Variants in SHLD2 observed in about 807,000 individuals in gnomAD.
SHLD2 encodes the protein RINN1-REV7-interacting novel NHEJ regulator 2.
In SHLD2, 30 loss-of-function variants were observed where a neutral mutation model predicts 73.2. The observed-to-expected ratio is 0.41, with a 90% CI of 0.31 to 0.56. SHLD2 has a LOEUF of 0.56. Among genes scored for constraint, SHLD2 ranks in the 20% least tolerant of loss-of-function variants. The probability of loss-of-function intolerance (pLI) is 0.28; values close to 1 mark genes in which losing one functional copy is unlikely to be tolerated. For missense variants in SHLD2, 745 were observed against 1,055.9 expected, an observed-to-expected ratio of 0.71 and a Z score of 4.08; for synonymous variants, 285 against 370.1, an observed-to-expected ratio of 0.77 and a Z score of 2.64.
At chr10:87,172,852 G>A (rs1340203072) in intron 6 of SHLD2, among the ~76,000 whole-genome samples, 1 of 151,932 alleles carries the variant, frequency 6.6e-6, no homozygotes, top group African/African-American at 2.4e-5. Flanking sequence ...CTGGAAATAT[G>A]CATGTATAGC....
At chr10:87,163,776 A>G (rs1846988678) in intron 4 of SHLD2, among the ~76,000 whole-genome samples, 1 of 150,010 alleles carries the variant, frequency 6.7e-6, no homozygotes, top group Non-Finnish European at 1.5e-5. Context: ...GATTTTTAAT[A>G]TAGATAAATG....
chr10:87,119,636 T>TGTAGTCCCAACTACTCGG (rs539029058), intron 2 of SHLD2, among the ~76,000 whole-genome samples: 3 of 152,090 alleles, frequency 2.0e-5, no homozygotes, highest in East Asian at 1.9e-4. Context: ...GGCGCGCACC[T>TGTAGTCCCAACTACTCGG]GTAGTCCCAA....
chr10:87,147,837 C>A (rs1279065501), intron 2 of SHLD2, among the ~76,000 whole-genome samples: 2 of 151,944 alleles, frequency 1.3e-5, no homozygotes, highest in Non-Finnish European at 2.9e-5. Context: ...GAGTTGCTGT[C>A]CCTTCCTTTT....
intron 6 of SHLD2, among the ~76,000 whole-genome samples, chr10:87,172,133 T>A (rs1007767641): frequency 4.6e-5 from 7 of 152,248 alleles, no homozygotes; most frequent in South Asian, 2.1e-4. Flanking sequence ...TAAGATGTTG[T>A]TGTTCTTTGT....
intron 4 of SHLD2, among the ~76,000 whole-genome samples, chr10:87,159,124 CTG>C (rs1279639155): frequency 6.6e-6 from 1 of 151,934 alleles, no homozygotes; most frequent in African/African-American, 2.4e-5. Context: ...AAGAAGATAA[CTG>C]GAATAATAGG....
At chr10:87,120,064 G>T (rs1231526533) in intron 2 of SHLD2, among the ~76,000 whole-genome samples, 1 of 151,796 alleles carries the variant, frequency 6.6e-6, no homozygotes, top group East Asian at 1.9e-4. Context: ...CCCCTAGTAA[G>T]CACTAGTGAT....
intron 2 of SHLD2, among the ~76,000 whole-genome samples, chr10:87,138,985 A>G (rs1203276754): frequency 6.6e-6 from 1 of 152,238 alleles, no homozygotes; most frequent in East Asian, 1.9e-4. Context: ...TGGGGCAGAA[A>G]ACAATAAAAG....
chr10:87,179,810 A>G (rs1331308969), intron 7 of SHLD2, among the ~76,000 whole-genome samples: 1 of 152,150 alleles, frequency 6.6e-6, no homozygotes, highest in Non-Finnish European at 1.5e-5. Flanking sequence ...GAGGTATTGA[A>G]CTTATTTTGC....
intron 4 of SHLD2, among the ~76,000 whole-genome samples, chr10:87,162,812 T>TA (rs999926090): frequency 2.0e-5 from 3 of 151,946 alleles, no homozygotes; most frequent in African/African-American, 4.8e-5. Flanking sequence ...TTGGCAAAAT[T>TA]AAAAAAAAGC....
Position 87,120,374 on chromosome 10 carries a change from A to G in SHLD2, c.-6+23385A>G, listed in dbSNP as rs181576502. ...GCCATTCTCCTGCCTCAGCCTCCCG[A>G]GTAGCTGGGAATACAGGTGCCCGCC... On this transcript the variant is annotated intron_variant, in intron 2 of 9. Transcript: ENST00000298786. Among the ~76,000 whole-genome samples the G allele has an allele frequency of 2.8e-3, 420 of 151,920 alleles. 2 individuals carry two copies. Among genetic ancestry groups the G allele is most frequent in the Non-Finnish European group, 4.1e-3 (282 of 67,954 alleles).
In SHLD2 at chr10:87,152,653, A is replaced by C. The variant is rs1846097762; in HGVS notation, c.1299A>C (p.Lys433Asn). 1 of 1,610,712 alleles carries C rather than the reference A, an allele frequency of 6.2e-7. No individual in the cohort carries two copies. The highest frequency in any genetic ancestry group is 2.2e-5 in the East Asian group (1 of 44,824). The stretch of plus-strand genomic sequence containing the variant: ...GTATTAAAAAAACATCATTAATAAA[A>C]AACTGTGATTCTAAAAGCCAGAAGT... ...FKSIKKTSLIKNCDSKSQKYN... is the reference protein window; with the variant it reads ...FKSIKKTSLINNCDSKSQKYN... The change falls in exon 3 of 10, where the codon AAA (lysine) becomes AAC (asparagine). Residue 433 changes from lysine to asparagine, a missense_variant. Transcript: ENST00000298786.
At chr10:87,133,555 T>C (rs1305431700) in intron 2 of SHLD2, among the ~76,000 whole-genome samples, 1 of 152,212 alleles carries the variant, frequency 6.6e-6, no homozygotes, top group East Asian at 1.9e-4. Context: ...ATTGTTCTTT[T>C]TACCATTCAT....
In SHLD2 at chr10:87,151,594, CTG is replaced by C; in HGVS notation, c.242_243del (p.Cys81TyrfsTer3). ...ATCTTAGTGGTCATTTCTTAGCAAA[CTG>C]TATGAATAGACATGTTCATGTGAAA... ...PDLSGHFLAN[C>X]MNRHVHVKDD... On this transcript the variant is annotated frameshift_variant, in exon 3 of 10. Coordinates refer to ENST00000298786, the MANE Select transcript of SHLD2 (RefSeq NM_001330112.2). LOFTEE classifies it high-confidence loss of function. The C allele has an allele frequency of 6.2e-7, 1 of 1,611,540 alleles. No individual in the cohort carries two copies. The highest frequency in any genetic ancestry group is 8.5e-7 in the Non-Finnish European group (1 of 1,179,552).
intron 4 of SHLD2, among the ~76,000 whole-genome samples, chr10:87,159,480 G>A (rs1420636700): frequency 6.6e-6 from 1 of 152,162 alleles, no homozygotes; most frequent in African/African-American, 2.4e-5. Flanking sequence ...AAAAATGAAT[G>A]AAACAGACAT....
chr10:87,180,533 C>T (rs1045557466), intron 8 of SHLD2, among the ~76,000 whole-genome samples: 1 of 152,054 alleles, frequency 6.6e-6, no homozygotes, highest in African/African-American at 2.4e-5. Context: ...ATTTTATTGT[C>T]TTCAAACAGC....
chr10:87,127,529 G>GCCC (rs1225003390), intron 2 of SHLD2, among the ~76,000 whole-genome samples: 8 of 24,368 alleles, frequency 3.3e-4, no homozygotes, highest in African/African-American at 1.5e-3. Context: ...CCTCTTACCC[G>GCCC]CCCCCCCCCA....
At chr10:87,097,258 G>C (rs147659436) in intron 2 of SHLD2, among the ~76,000 whole-genome samples, 1 of 152,142 alleles carries the variant, frequency 6.6e-6, no homozygotes, top group Non-Finnish European at 1.5e-5. Flanking sequence ...TTGTTCACCT[G>C]AATTCAAGAA....
chr10:87,125,168 T>C (rs1843904607), intron 2 of SHLD2, among the ~76,000 whole-genome samples: 1 of 152,162 alleles, frequency 6.6e-6, no homozygotes. Context: ...GAAACTCATA[T>C]CTCATTTAAG....
intron 8 of SHLD2, among the ~76,000 whole-genome samples, chr10:87,182,075 C>T (rs183165472): frequency 6.6e-6 from 1 of 152,310 alleles, no homozygotes; most frequent in African/African-American, 2.4e-5. Context: ...GCCTAAAAGC[C>T]TTTAAATTGT....
Sources: gnomAD v4.1 joint callset for allele counts (sites outside exome capture counted in the v4.1 genomes callset) on GRCh38, gnomAD v4.1.1 for gene constraint, MANE v1.5 for transcripts, NCBI Gene and HGNC (gene_info 2026-07-23, HGNC 2026-07-21) for gene names.